SRD5A2: variants seen among roughly 807,000 people sequenced by gnomAD.
The protein encoded by SRD5A2 is steroid 5 alpha-reductase 2.
In SRD5A2, 30 loss-of-function variants were observed where a neutral mutation model predicts 27.4. That is an observed-to-expected ratio of 1.10 (90% CI 0.82 to 1.49). The LOEUF is 1.49. Among genes scored for constraint, SRD5A2 ranks in the 40% most tolerant of loss-of-function variants. SRD5A2 has a pLI of 0.00. For synonymous variants in SRD5A2, 141 were observed against 133.6 expected, an observed-to-expected ratio of 1.06 and a Z score of -0.38; for missense variants, 348 against 323.4, an observed-to-expected ratio of 1.08 and a Z score of -0.58.
chr2:31,577,263 G>T (rs944232186), intron 1 of SRD5A2, among the ~76,000 whole-genome samples: 78 of 148,314 alleles, frequency 5.3e-4, no homozygotes, highest in African/African-American at 1.8e-3. Flanking sequence ...TTTCCATGTG[G>T]CTAAAGAATC....
In SRD5A2 at chr2:31,556,292, C is replaced by T. The variant is rs149155769; in HGVS notation, c.282-22526G>A. On this transcript the variant is annotated intron_variant, in intron 1 of 4. Transcript: ENST00000622030. ...CTAAACACAGAATGAGTCAGTGATG[C>T]CTCCCATCCAAGCTTACTTTTTATT... Among the ~76,000 whole-genome samples the T allele has an allele frequency of 7.0e-4, 106 of 152,272 alleles. No individual in the cohort carries two copies. The East Asian group carries it at 9.1e-3, about 13-fold the overall frequency.
the SRD5A2 span, among the ~76,000 whole-genome samples, chr2:31,612,297 AAG>A: frequency 2.3e-4 from 35 of 151,436 alleles, no homozygotes; most frequent in African/African-American, 6.8e-4. Flanking sequence ...AAAAAAAAAA[AAG>A]AGAGAGAAAG....
chr2:31,555,922 T>G (rs962735334), intron 1 of SRD5A2, among the ~76,000 whole-genome samples: 11 of 152,166 alleles, frequency 7.2e-5, no homozygotes, highest in Admixed American at 7.2e-4. Flanking sequence ...CTGGGCAATA[T>G]AGTGAGATCA....
At chr2:31,593,304 T>G in the SRD5A2 span, among the ~76,000 whole-genome samples, 13,454 of 151,780 alleles carry the variant, frequency 0.089, 701 homozygotes, top group Middle Eastern at 0.18. Flanking sequence ...AAAATATGGA[T>G]GAAAAATTCT....
the SRD5A2 span, among the ~76,000 whole-genome samples, chr2:31,639,734 A>T: frequency 2.0e-5 from 3 of 151,922 alleles, no homozygotes; most frequent in South Asian, 6.2e-4. Context: ...GAACTCCTTT[A>T]GGTGTTATTT....
In SRD5A2 at chr2:31,526,033, T is replaced by C. The variant is rs1665770805; in HGVS notation, c.*163A>G. 3 of 553,190 alleles carry C rather than the reference T, an allele frequency of 5.4e-6. No homozygotes were observed. Among genetic ancestry groups the C allele is most frequent in the Non-Finnish European group, 9.6e-6 (3 of 312,958 alleles). The allele number at this position is 553,190 out of a possible 1,614,324, so 34.3% of individuals were successfully genotyped here. A position where few individuals can be genotyped will look rare whatever the true frequency, so the allele number is the denominator to read the frequency against. On this transcript the variant is annotated 3_prime_UTR_variant, in exon 5 of 5. Coordinates refer to ENST00000622030, the MANE Select transcript of SRD5A2 (RefSeq NM_000348.4). ...GGTCCCTGGAAGGGTAGGAGTAAAC[T>C]CTAAGCAGACACCACTCAGAATCCC...
At chr2:31,588,028 G>C in the SRD5A2 span, among the ~76,000 whole-genome samples, 1 of 152,060 alleles carries the variant, frequency 6.6e-6, no homozygotes, top group Non-Finnish European at 1.5e-5. Flanking sequence ...AGAAGAATTA[G>C]TGAGCTTGAA....
chr2:31,635,503 C>G, the SRD5A2 span, among the ~76,000 whole-genome samples: 1 of 151,786 alleles, frequency 6.6e-6, no homozygotes, highest in Non-Finnish European at 1.5e-5. Flanking sequence ...TGGATTGTTT[C>G]TTCACTTTGT....
At chr2:31,600,943 C>A in the SRD5A2 span, among the ~76,000 whole-genome samples, 2 of 151,562 alleles carry the variant, frequency 1.3e-5, no homozygotes, top group Admixed American at 6.6e-5. Flanking sequence ...GAATGAAGGA[C>A]AAAAATGATA....
chr2:31,601,585 A>T, the SRD5A2 span, among the ~76,000 whole-genome samples: 1 of 152,076 alleles, frequency 6.6e-6, no homozygotes, highest in Non-Finnish European at 1.5e-5. Flanking sequence ...CATCATTCTG[A>T]TACTAAAACC....
the SRD5A2 span, among the ~76,000 whole-genome samples, chr2:31,625,122 A>G: frequency 6.6e-6 from 1 of 152,084 alleles, no homozygotes; most frequent in African/African-American, 2.4e-5. Context: ...GATGATGAGC[A>G]TTTTTTCATA....
intron 1 of SRD5A2, among the ~76,000 whole-genome samples, chr2:31,566,774 G>A (rs958716969): frequency 3.3e-5 from 5 of 152,150 alleles, no homozygotes; most frequent in African/African-American, 1.2e-4. Flanking sequence ...AGATTTAATT[G>A]CATGGTCAGT....
chr2:31,559,463 TA>T (rs1419647235), intron 1 of SRD5A2, among the ~76,000 whole-genome samples: 1 of 152,220 alleles, frequency 6.6e-6, no homozygotes, highest in Non-Finnish European at 1.5e-5. Flanking sequence ...TGAGCCGTGC[TA>T]GAACCTACTA....
intron 1 of SRD5A2, among the ~76,000 whole-genome samples, chr2:31,552,714 A>G (rs1172496306): frequency 2.6e-5 from 4 of 152,210 alleles, no homozygotes; most frequent in African/African-American, 7.2e-5. Context: ...ACAAAGGAAA[A>G]GAGGCAGTCA....
chr2:31,582,929 A>AT (rs11403363), upstream of SRD5A2, among the ~76,000 whole-genome samples: 99,052 of 151,884 alleles, frequency 0.65, 32,605 homozygotes, highest in Middle Eastern at 0.7. Context: ...TCAATGGAAT[A>AT]TTTTTTTAAA....
the SRD5A2 span, among the ~76,000 whole-genome samples, chr2:31,599,303 C>A: frequency 7.2e-5 from 11 of 151,994 alleles, no homozygotes; most frequent in South Asian, 1.9e-3. Context: ...CACTATAGAC[C>A]AAAAGAATCT....
the SRD5A2 span, among the ~76,000 whole-genome samples, chr2:31,595,374 T>C: frequency 5.9e-5 from 9 of 152,124 alleles, no homozygotes; most frequent in African/African-American, 1.9e-4. Context: ...ATGGCAGATA[T>C]CACAATGGAC....
chr2:31,647,044 C>T, the SRD5A2 span, among the ~76,000 whole-genome samples: 2 of 152,050 alleles, frequency 1.3e-5, no homozygotes, highest in East Asian at 3.9e-4. Flanking sequence ...ACTTGGCAGG[C>T]TGAGGCAGGA....
the SRD5A2 span, among the ~76,000 whole-genome samples, chr2:31,599,064 C>A: frequency 6.6e-6 from 1 of 151,906 alleles, no homozygotes; most frequent in Non-Finnish European, 1.5e-5. Flanking sequence ...TTCTAAGAGA[C>A]AAAGATGGTC....
Sources: gnomAD v4.1 joint callset for allele counts (sites outside exome capture counted in the v4.1 genomes callset) on GRCh38, gnomAD v4.1.1 for gene constraint, MANE v1.5 for transcripts, NCBI Gene and HGNC (gene_info 2026-07-23, HGNC 2026-07-21) for gene names.